RPS6KC1: variants seen among roughly 807,000 people sequenced by gnomAD.
The protein encoded by RPS6KC1 is ribosomal protein S6 kinase C1, also known as inactive ribosomal protein S6 kinase delta-1.
RPS6KC1 carries 54 observed loss-of-function variants against 103.8 expected under a neutral mutation model. The observed-to-expected ratio is 0.52, with a 90% CI of 0.42 to 0.65. The LOEUF is 0.65. Among genes scored for constraint, RPS6KC1 ranks in the 30% least tolerant of loss-of-function variants. RPS6KC1 has a pLI of 0.00. For missense variants in RPS6KC1, 1,151 were observed against 1,253.8 expected (o/e 0.92, Z 1.24); for synonymous variants, 439 against 438.7 (o/e 1.00, Z -0.01).
At chr1:213,703,726 T>C in the RPS6KC1 span, among the ~76,000 whole-genome samples, 1 of 152,214 alleles carries the variant, frequency 6.6e-6, no homozygotes, top group Non-Finnish European at 1.5e-5. Flanking sequence ...GTTATTTGTT[T>C]CTTTTCTCTT....
At chr1:213,124,862 A>G (rs1042560814) in intron 5 of RPS6KC1, among the ~76,000 whole-genome samples, 3 of 152,108 alleles carry the variant, frequency 2.0e-5, no homozygotes, top group African/African-American at 7.2e-5. Context: ...ATGCAACTTC[A>G]AGAGGATAAT....
the RPS6KC1 span, among the ~76,000 whole-genome samples, chr1:213,395,906 T>C: frequency 6.6e-6 from 1 of 152,146 alleles, no homozygotes; most frequent in Non-Finnish European, 1.5e-5. Context: ...AAGAATCCAT[T>C]TACATTGGAT....
At chr1:213,807,331 T>C in the RPS6KC1 span, among the ~76,000 whole-genome samples, 2 of 152,230 alleles carry the variant, frequency 1.3e-5, no homozygotes, top group African/African-American at 2.4e-5. Context: ...TGGCCTGCCT[T>C]GCTAGATTGG....
chr1:213,466,502 G>A, the RPS6KC1 span, among the ~76,000 whole-genome samples: 1 of 152,180 alleles, frequency 6.6e-6, no homozygotes, highest in South Asian at 2.1e-4. Flanking sequence ...CCTTGCTGAG[G>A]AGAATGGAGT....
chr1:213,412,422 T>C, the RPS6KC1 span, among the ~76,000 whole-genome samples: 1 of 152,238 alleles, frequency 6.6e-6, no homozygotes, highest in African/African-American at 2.4e-5. Flanking sequence ...AAGAATGGTC[T>C]AGTTCCTGAC....
At chr1:213,359,576 T>C in the RPS6KC1 span, among the ~76,000 whole-genome samples, 1 of 152,182 alleles carries the variant, frequency 6.6e-6, no homozygotes, top group Non-Finnish European at 1.5e-5. Flanking sequence ...AATATTGTTA[T>C]GTGTGAATTT....
chr1:213,362,023 C>T, the RPS6KC1 span, among the ~76,000 whole-genome samples: 2 of 152,128 alleles, frequency 1.3e-5, no homozygotes, highest in Non-Finnish European at 1.5e-5. Context: ...ATTTTAAAAC[C>T]CTTTTTTCTC....
chr1:213,538,758 G>A, the RPS6KC1 span, among the ~76,000 whole-genome samples: 2 of 152,146 alleles, frequency 1.3e-5, no homozygotes, highest in African/African-American at 4.8e-5. Flanking sequence ...TGAAGAACAT[G>A]CATTTTACTG....
the RPS6KC1 span, among the ~76,000 whole-genome samples, chr1:213,643,753 TATG>T: frequency 6.6e-6 from 1 of 152,022 alleles, no homozygotes; most frequent in Admixed American, 6.6e-5. Context: ...TACCAGTAAG[TATG>T]ATGCTTGCTA....
At chr1:213,823,932 AG>A in the RPS6KC1 span, among the ~76,000 whole-genome samples, 3 of 152,208 alleles carry the variant, frequency 2.0e-5, no homozygotes, top group African/African-American at 7.2e-5. Context: ...GAGGCACAAA[AG>A]GGACTAAGTA....
At chr1:213,152,235 G>C (rs1318661942) in intron 6 of RPS6KC1, among the ~76,000 whole-genome samples, 23 of 103,138 alleles carry the variant, frequency 2.2e-4, no homozygotes, top group African/African-American at 3.4e-4. Flanking sequence ...GGGGGCTGAT[G>C]CCCCCACCTC....
chr1:213,723,243 C>T, the RPS6KC1 span, among the ~76,000 whole-genome samples: 21 of 152,342 alleles, frequency 1.4e-4, no homozygotes, highest in South Asian at 4.1e-3. Flanking sequence ...GTGCTTCAAA[C>T]TAATGAAATT....
At chr1:213,861,349 C>A in the RPS6KC1 span, among the ~76,000 whole-genome samples, 1 of 152,154 alleles carries the variant, frequency 6.6e-6, no homozygotes, top group Non-Finnish European at 1.5e-5. Context: ...AAGGCCCCCA[C>A]ACCTTATCAC....
the RPS6KC1 span, among the ~76,000 whole-genome samples, chr1:213,651,216 G>A: frequency 6.6e-6 from 1 of 152,138 alleles, no homozygotes; most frequent in East Asian, 1.9e-4. Context: ...CCACAGGGGT[G>A]GGGCAGGCTA....
At chr1:213,174,403 C>CTTAT (rs2091705505) in intron 7 of RPS6KC1, among the ~76,000 whole-genome samples, 1 of 152,176 alleles carries the variant, frequency 6.6e-6, no homozygotes, top group Admixed American at 6.5e-5. Context: ...GGTGTGCTGG[C>CTTAT]TTATGCCTTC....
the RPS6KC1 span, among the ~76,000 whole-genome samples, chr1:213,462,230 A>C: frequency 6.6e-6 from 1 of 152,226 alleles, no homozygotes; most frequent in Admixed American, 6.5e-5. Context: ...ACCAGTTAGA[A>C]TGGCAATCAT....
the RPS6KC1 span, among the ~76,000 whole-genome samples, chr1:213,311,733 T>C: frequency 2.6e-5 from 4 of 152,070 alleles, no homozygotes; most frequent in Non-Finnish European, 4.4e-5. Context: ...GTTTTGAAAG[T>C]TTGAACAACA....
chr1:213,053,951 T>TCAGC, intron 1 of RPS6KC1, among the ~76,000 whole-genome samples: 1 of 152,180 alleles, frequency 6.6e-6, no homozygotes, highest in East Asian at 1.9e-4. Flanking sequence ...TTCTCCTGTC[T>TCAGC]CAGCCACTCA....
the RPS6KC1 span, among the ~76,000 whole-genome samples, chr1:213,674,449 T>G: frequency 6.6e-6 from 1 of 152,248 alleles, no homozygotes; most frequent in African/African-American, 2.4e-5. Context: ...ACTCCATCCA[T>G]GTTGATGCAG....
Sources: allele counts gnomAD v4.1 joint callset (sites outside exome capture counted in the v4.1 genomes callset), GRCh38; gene constraint gnomAD v4.1.1; transcripts MANE v1.5; gene names NCBI Gene and HGNC (gene_info 2026-07-23, HGNC 2026-07-21).